DENND1A: variants seen among roughly 807,000 people sequenced by gnomAD.
The protein encoded by DENND1A is DENN domain-containing protein 1A.
In DENND1A, 51 loss-of-function variants were observed where a neutral mutation model predicts 113.7. That is an observed-to-expected ratio of 0.45 (90% CI 0.36 to 0.57). The LOEUF (loss-of-function observed/expected upper bound fraction) is 0.57. Ranked by LOEUF, DENND1A falls within the 20% of genes least tolerant of loss-of-function variation. The pLI is 0.00. For missense variants in DENND1A, 1,258 were observed against 1,395.9 expected, an observed-to-expected ratio of 0.90 and a Z score of 1.57; for synonymous variants, 565 against 570.8, an observed-to-expected ratio of 0.99 and a Z score of 0.14.
At chr9:123,698,775 G>A (rs1589714815) in intron 5 of DENND1A, among the ~76,000 whole-genome samples, 1 of 152,340 alleles carries the variant, frequency 6.6e-6, no homozygotes, top group East Asian at 1.9e-4. Context: ...GGCAGTTTGT[G>A]CACTGCTTTG....
At chr9:123,891,620 T>C (rs1238941092) in intron 1 of DENND1A, among the ~76,000 whole-genome samples, 1 of 152,204 alleles carries the variant, frequency 6.6e-6, no homozygotes, top group Non-Finnish European at 1.5e-5. Flanking sequence ...GACCTTGAAA[T>C]ATACACTTTA....
chr9:123,627,803 AC>A (rs1261966989), intron 10 of DENND1A, among the ~76,000 whole-genome samples: 1 of 151,860 alleles, frequency 6.6e-6, no homozygotes, highest in Non-Finnish European at 1.5e-5. Flanking sequence ...GAGCAAGCTC[AC>A]AAAGACTTGA....
intron 13 of DENND1A, among the ~76,000 whole-genome samples, chr9:123,542,992 C>T (rs747211195): frequency 1.3e-5 from 2 of 152,178 alleles, no homozygotes; most frequent in African/African-American, 4.8e-5. Context: ...CCTAGAGGAC[C>T]AAGTAGAGCA....
chr9:123,545,209 T>G lies in DENND1A; in HGVS notation c.993+12361A>C, dbSNP rs181270765. Among the ~76,000 whole-genome samples the G allele has an allele frequency of 7.9e-5, 12 of 152,258 alleles. No homozygotes were observed. In the East Asian group the frequency reaches 2.1e-3, roughly 27 times the overall value. On this transcript the variant is annotated intron_variant, in intron 13 of 23. Transcript: ENST00000394215. ...TACATGAGTAAACATGACATTCCAC[T>G]GTCTTCTGGAGAAGGCTTCAATTTT...
At chr9:123,462,913 C>T (rs924651938) in intron 13 of DENND1A, among the ~76,000 whole-genome samples, 1 of 152,198 alleles carries the variant, frequency 6.6e-6, no homozygotes, top group Non-Finnish European at 1.5e-5. Context: ...GCTGTCAAGG[C>T]TCTTTCTGCC....
intron 13 of DENND1A, among the ~76,000 whole-genome samples, chr9:123,534,956 CCTTCT>C (rs373572602): frequency 6.6e-6 from 1 of 152,128 alleles, no homozygotes; most frequent in African/African-American, 2.4e-5. Flanking sequence ...TGCTACCTGG[CCTTCT>C]CTTAAGATTC....
chr9:123,545,871 T>C (rs79214655), intron 13 of DENND1A, among the ~76,000 whole-genome samples: 1 of 152,236 alleles, frequency 6.6e-6, no homozygotes, highest in African/African-American at 2.4e-5. Flanking sequence ...TGCTTGAAAA[T>C]GGATCAGAAA....
Position 123,403,393 on chromosome 9 carries a change from A to G in DENND1A, c.1631+9T>C. 6.2e-7 allele frequency: 1 copy of G among 1,613,878 alleles called. No individual in the cohort carries two copies. Among genetic ancestry groups the G allele is most frequent in the South Asian group, 1.1e-5 (1 of 90,964 alleles). ...TCTTACAGACAGAGGGGAGAGGCAC[A>G]ATACTCACTGCTCAGGGCTCGGCAC... On this transcript the variant is annotated intron_variant, in intron 21 of 23. Transcript: ENST00000394215.
At chr9:123,848,254 A>C (rs1192299080) in intron 2 of DENND1A, among the ~76,000 whole-genome samples, 7 of 145,414 alleles carry the variant, frequency 4.8e-5, no homozygotes, top group Admixed American at 2.7e-4. Flanking sequence ...AAAAAAAAAA[A>C]AAACAAATTG....
intron 1 of DENND1A, among the ~76,000 whole-genome samples, chr9:123,892,163 A>G (rs923672373): frequency 3.3e-5 from 5 of 152,250 alleles, no homozygotes; most frequent in African/African-American, 9.6e-5. Flanking sequence ...TTAAGCCTGC[A>G]CAAAGAACCA....
chr9:123,768,253 A>AACC (rs1273061622), intron 4 of DENND1A, among the ~76,000 whole-genome samples: 22 of 152,328 alleles, frequency 1.4e-4, no homozygotes, highest in Middle Eastern at 3.4e-3. Flanking sequence ...AAAATGTTAG[A>AACC]ACCAGGGAGA....
At chr9:123,401,648 G>A in intron 21 of DENND1A, 2 of 1,459,414 alleles carry the variant, frequency 1.4e-6, no homozygotes, top group South Asian at 2.9e-5. Context: ...GTAGAAAACA[G>A]GGCATATTAA....
chr9:123,516,421 T>C (rs72757111), intron 13 of DENND1A, among the ~76,000 whole-genome samples: 8,447 of 152,006 alleles, frequency 0.056, 341 homozygotes, highest in Middle Eastern at 0.082. Context: ...AGGTTCATAA[T>C]GAAAAAACAA....
intron 18 of DENND1A, among the ~76,000 whole-genome samples, chr9:123,446,968 G>A (rs960397965): frequency 5.3e-5 from 8 of 152,204 alleles, no homozygotes; most frequent in East Asian, 1.9e-4. Flanking sequence ...ACATCCCTAC[G>A]TGCCTATCTT....
chr9:123,904,553 G>C (rs1023483607), intron 1 of DENND1A, among the ~76,000 whole-genome samples: 5 of 145,896 alleles, frequency 3.4e-5, no homozygotes, highest in Non-Finnish European at 4.5e-5. Flanking sequence ...ACCAAGGCTC[G>C]AGAACTACGT....
intron 1 of DENND1A, among the ~76,000 whole-genome samples, chr9:123,901,859 A>T (rs967930430): frequency 6.6e-6 from 1 of 152,042 alleles, no homozygotes; most frequent in African/African-American, 2.4e-5. Flanking sequence ...AAAAAAAATT[A>T]GCTGGGCACG....
rs1172460092 is a variant in DENND1A at position 123,382,184 on chromosome 9, C to T, written c.2461G>A (p.Gly821Ser). The change falls in exon 24 of 24, where the codon GGC becomes AGC. Residue 821 changes from glycine to serine, a missense_variant. Around this residue, in one of 2 missense-constraint regions of DENND1A, gnomAD observed 1,159 missense variants for 1,231.7 expected, o/e 0.94. Coordinates refer to ENST00000394215, the MANE Select transcript of DENND1A (RefSeq NM_001352964.2). ...PGLLPGVVPQGPTELLQPLSP... is the reference protein window; with the variant it reads ...PGLLPGVVPQSPTELLQPLSP... The stretch of plus-strand genomic sequence containing the variant: ...AGCGGCTGGAGCAGTTCAGTGGGGC[C>T]TTGGGGGACAACACCAGGCAGGAGC... The T allele has an allele frequency of 6.2e-7, 1 of 1,609,498 alleles. No individual in the cohort carries two copies. The highest frequency in any genetic ancestry group is 2.2e-5 in the East Asian group (1 of 44,794).
chr9:123,444,674 G>A (rs1352958819), intron 18 of DENND1A, among the ~76,000 whole-genome samples: 1 of 152,086 alleles, frequency 6.6e-6, no homozygotes, highest in Non-Finnish European at 1.5e-5. Context: ...ATAAAGACAT[G>A]GGGAAGAAGT....
chr9:123,824,897 C>T (rs1310962941), intron 2 of DENND1A, among the ~76,000 whole-genome samples: 1 of 152,150 alleles, frequency 6.6e-6, no homozygotes, highest in Non-Finnish European at 1.5e-5. Flanking sequence ...TTTTACCTAT[C>T]TCTTATAAAT....
Sources: gnomAD v4.1 joint callset for allele counts (sites outside exome capture counted in the v4.1 genomes callset) on GRCh38, gnomAD v4.1.1 for gene constraint, gnomAD v4.1.1 regional missense constraint, MANE v1.5 for transcripts, NCBI Gene and HGNC (gene_info 2026-07-23, HGNC 2026-07-21) for gene names.